The following STAG1 variants were observed in gnomAD, a reference collection of about 807,000 sequenced individuals.
The protein encoded by STAG1 is cohesin subunit SA-1.
A neutral mutation model predicts 170.9 loss-of-function variants in STAG1; 26 were observed. That is an observed-to-expected ratio of 0.15 (90% CI 0.11 to 0.21). The LOEUF (loss-of-function observed/expected upper bound fraction) is 0.21, where lower values mean the gene tolerates loss of function less well. STAG1 is among the 10% of genes least tolerant of loss of function. The pLI, the probability that STAG1 is intolerant of heterozygous loss-of-function variation, is 1.00. For missense variants in STAG1, 964 were observed against 1,509.5 expected, an observed-to-expected ratio of 0.64 and a Z score of 5.99; for synonymous variants, 514 against 497.7, an observed-to-expected ratio of 1.03 and a Z score of -0.44.
chr3:136,748,316 G>A (rs534386128), intron 1 of STAG1, among the ~76,000 whole-genome samples: 7 of 152,054 alleles, frequency 4.6e-5, no homozygotes, highest in Non-Finnish European at 7.4e-5. Context: ...CACGCGAATC[G>A]CCTGAACCCA....
At chr3:136,619,920 A>G (rs1171018599) in intron 3 of STAG1, among the ~76,000 whole-genome samples, 1 of 151,690 alleles carries the variant, frequency 6.6e-6, no homozygotes, top group Non-Finnish European at 1.5e-5. Context: ...TAAATCAGCC[A>G]TGCGTGGTGG....
chr3:136,510,991 C>G (rs1934037287), intron 7 of STAG1, among the ~76,000 whole-genome samples: 2 of 152,036 alleles, frequency 1.3e-5, no homozygotes, highest in Admixed American at 6.6e-5. Flanking sequence ...AGGCTAGTCT[C>G]GAACTCCTGA....
intron 30 of STAG1, among the ~76,000 whole-genome samples, chr3:136,342,591 C>T (rs1489224160): frequency 6.6e-6 from 1 of 152,268 alleles, no homozygotes; most frequent in Non-Finnish European, 1.5e-5. Flanking sequence ...AAGCAATTCT[C>T]ATTCCTTAGC....
intron 4 of STAG1, among the ~76,000 whole-genome samples, chr3:136,583,353 C>T (rs761759941): frequency 1.3e-5 from 2 of 152,084 alleles, no homozygotes; most frequent in Non-Finnish European, 2.9e-5. Context: ...AAAAATTCTA[C>T]AAAATCAGAA....
intron 1 of STAG1, among the ~76,000 whole-genome samples, chr3:136,695,305 G>A (rs1313930503): frequency 2.5e-5 from 2 of 80,378 alleles, no homozygotes; most frequent in Non-Finnish European, 4.7e-5. Flanking sequence ...ATGTGTGGTG[G>A]TGCAGCCTGT....
At chr3:136,399,148 CA>C (rs1229022006) in intron 21 of STAG1, among the ~76,000 whole-genome samples, 4 of 152,004 alleles carry the variant, frequency 2.6e-5, no homozygotes, top group Non-Finnish European at 5.9e-5. Flanking sequence ...TATTTTTATC[CA>C]AATTTTATAG....
At chr3:136,415,692 C>T (rs924032196) in intron 21 of STAG1, among the ~76,000 whole-genome samples, 1 of 152,094 alleles carries the variant, frequency 6.6e-6, no homozygotes, top group Non-Finnish European at 1.5e-5. Context: ...AAAAATTAGC[C>T]CAGCGTGGTG....
chr3:136,485,212 C>G (rs2089982148), intron 9 of STAG1, among the ~76,000 whole-genome samples: 1 of 152,132 alleles, frequency 6.6e-6, no homozygotes, highest in Non-Finnish European at 1.5e-5. Context: ...AATCCCAGCA[C>G]TTTGGGAGGC....
intron 6 of STAG1, among the ~76,000 whole-genome samples, chr3:136,529,333 G>A (rs78681909): frequency 0.022 from 3,391 of 152,188 alleles, 63 homozygotes; most frequent in Non-Finnish European, 0.035. Context: ...TTCATGGCAC[G>A]TTATAGTCAA....
At chr3:136,516,473 AC>A (rs1934386014) in intron 7 of STAG1, among the ~76,000 whole-genome samples, 3 of 152,246 alleles carry the variant, frequency 2.0e-5, no homozygotes, top group South Asian at 4.1e-4. Context: ...ATGCCACTGC[AC>A]TGCAGCCTGG....
rs559440932 is a variant in STAG1 at position 136,693,319 on chromosome 3, T to A, written c.-84+58876A>T. On this transcript the variant is annotated intron_variant, in intron 1 of 33. Transcript: ENST00000383202. Reference sequence around the variant, plus strand: ...CTGGTGGGGCTGAGGACCAATATGGTTGCTCCTGTGTCTACAAGAATAGTC... The same window carrying A: ...CTGGTGGGGCTGAGGACCAATATGGATGCTCCTGTGTCTACAAGAATAGTC... Among the ~76,000 whole-genome samples, 4 of 152,292 alleles carry A rather than the reference T, an allele frequency of 2.6e-5. No individual in the cohort carries two copies. In the South Asian group the frequency reaches 8.3e-4, roughly 32 times the overall value.
At chr3:136,749,907 AT>A in intron 1 of STAG1, among the ~76,000 whole-genome samples, 1 of 140,976 alleles carries the variant, frequency 7.1e-6, no homozygotes, top group Non-Finnish European at 1.6e-5. Context: ...TTTGTTATGC[AT>A]TAAAAAAAAA....
chr3:136,522,526 C>T (rs1311735205), intron 6 of STAG1, among the ~76,000 whole-genome samples: 1 of 128,478 alleles, frequency 7.8e-6, no homozygotes, highest in Admixed American at 9.0e-5. Flanking sequence ...AGTAGAGTTC[C>T]TCTTGTTTTT....
intron 16 of STAG1, among the ~76,000 whole-genome samples, chr3:136,429,276 G>A (rs546361982): frequency 6.6e-6 from 1 of 152,204 alleles, no homozygotes; most frequent in African/African-American, 2.4e-5. Context: ...CCCTGGTGGC[G>A]GGTGCATGTA....
chr3:136,468,341 C>G (rs934225731), intron 12 of STAG1, among the ~76,000 whole-genome samples: 1 of 152,148 alleles, frequency 6.6e-6, no homozygotes, highest in African/African-American at 2.4e-5. Context: ...ACCGATCCCA[C>G]AGAAATACAA....
At chr3:136,357,178 G>A (rs1936691845) in intron 28 of STAG1, among the ~76,000 whole-genome samples, 1 of 152,058 alleles carries the variant, frequency 6.6e-6, no homozygotes, top group African/African-American at 2.4e-5. Flanking sequence ...TTGATCTTCT[G>A]ACCTTGTGAT....
intron 23 of STAG1, among the ~76,000 whole-genome samples, chr3:136,376,041 T>TAAAATAAAAC (rs1937598910): frequency 6.8e-6 from 1 of 147,702 alleles, no homozygotes; most frequent in Non-Finnish European, 1.5e-5. Flanking sequence ...TAAAATAAAA[T>TAAAATAAAAC]AAAATAAAAC....
intron 5 of STAG1, among the ~76,000 whole-genome samples, chr3:136,548,227 C>T (rs1936241948): frequency 6.6e-6 from 1 of 151,890 alleles, no homozygotes; most frequent in African/African-American, 2.4e-5. Context: ...GGTCCTCCCA[C>T]CTCACCTCCC....
chr3:136,531,188 T>C (rs946843633), intron 6 of STAG1, among the ~76,000 whole-genome samples: 3 of 150,968 alleles, frequency 2.0e-5, no homozygotes, highest in African/African-American at 7.3e-5. Context: ...ATCAGAGAAA[T>C]GCAAATCAAA....
Sources: allele counts gnomAD v4.1 joint callset (sites outside exome capture counted in the v4.1 genomes callset), GRCh38; gene constraint gnomAD v4.1.1; transcripts MANE v1.5; gene names NCBI Gene and HGNC (gene_info 2026-07-23, HGNC 2026-07-21).